The following RAB11FIP4 variants were observed in gnomAD, a reference collection of about 807,000 sequenced individuals.
RAB11FIP4 encodes the protein RAB11 family interacting protein 4, also known as rab11 family-interacting protein 4.
In RAB11FIP4, 23 loss-of-function variants were observed where a neutral mutation model predicts 74.3. That is an observed-to-expected ratio of 0.31 (90% CI 0.22 to 0.44). The LOEUF (loss-of-function observed/expected upper bound fraction) is 0.44, where lower values mean the gene tolerates loss of function less well. Among genes scored for constraint, RAB11FIP4 ranks in the 20% least tolerant of loss-of-function variants. The pLI is 1.00. For synonymous variants in RAB11FIP4, 360 were observed against 359.9 expected (o/e 1.00, Z 0.00); for missense variants, 630 against 863.9 (o/e 0.73, Z 3.39).
At chr17:31,492,335 G>A (rs2072025401) in intron 3 of RAB11FIP4, among the ~76,000 whole-genome samples, 1 of 152,198 alleles carries the variant, frequency 6.6e-6, no homozygotes, top group Non-Finnish European at 1.5e-5. Flanking sequence ...TCATATATAT[G>A]TGTGTACACA....
chr17:31,482,735 T>G (rs568804155), intron 3 of RAB11FIP4, among the ~76,000 whole-genome samples: 1 of 152,268 alleles, frequency 6.6e-6, no homozygotes, highest in South Asian at 2.1e-4. Flanking sequence ...AATACTGAAT[T>G]TACCACCTGG....
rs1017965941 is a variant in RAB11FIP4 at position 31,532,790 on chromosome 17, A to C, written c.*1058A>C. ...GACTGCTTCGTTCCAGCGTTTAGAA[A>C]CACACCTGTATTTGATTCTCAGCCA... On this transcript the variant is annotated 3_prime_UTR_variant, in exon 15 of 15. Coordinates refer to ENST00000621161, the MANE Select transcript of RAB11FIP4 (RefSeq NM_032932.6). 2 of 152,186 alleles carry C rather than the reference A, an allele frequency of 1.3e-5. No individual in the cohort carries two copies. Among genetic ancestry groups the C allele is most frequent in the African/African-American group, 4.8e-5 (2 of 41,454 alleles). 9.4% of individuals were successfully genotyped at this position (152,186 alleles called of 1,614,324 possible). A position where few individuals can be genotyped will look rare whatever the true frequency, so the allele number is the denominator to read the frequency against.
chr17:31,406,071 A>T (rs1309120528), intron 1 of RAB11FIP4, among the ~76,000 whole-genome samples: 1 of 152,154 alleles, frequency 6.6e-6, no homozygotes, highest in Non-Finnish European at 1.5e-5. Context: ...CAGCTGGTCA[A>T]CCCCTGGGCT....
intron 3 of RAB11FIP4, among the ~76,000 whole-genome samples, chr17:31,443,193 T>C (rs1025217925): frequency 6.6e-6 from 1 of 152,176 alleles, no homozygotes; most frequent in African/African-American, 2.4e-5. Flanking sequence ...TAAGAGGGCG[T>C]TCTTCATGAA....
chr17:31,447,846 G>T (rs185263181), intron 3 of RAB11FIP4, among the ~76,000 whole-genome samples: 2 of 151,924 alleles, frequency 1.3e-5, no homozygotes, highest in African/African-American at 4.8e-5. Flanking sequence ...TTTGAGACAG[G>T]ATCTCACTCT....
At chr17:31,518,212 G>C (rs538263644) in intron 4 of RAB11FIP4, among the ~76,000 whole-genome samples, 2 of 152,040 alleles carry the variant, frequency 1.3e-5, no homozygotes, top group Non-Finnish European at 2.9e-5. Flanking sequence ...GCAGGTTGTG[G>C]CCAGGCATGG....
chr17:31,505,909 ATT>A (rs902661761), intron 3 of RAB11FIP4, among the ~76,000 whole-genome samples: 21 of 138,886 alleles, frequency 1.5e-4, no homozygotes, highest in Middle Eastern at 7.6e-3. Context: ...ATGGAGTCTC[ATT>A]ATGTTTCCCA....
intron 1 of RAB11FIP4, among the ~76,000 whole-genome samples, chr17:31,400,517 A>C (rs2070974784): frequency 6.6e-6 from 1 of 152,122 alleles, no homozygotes; most frequent in East Asian, 1.9e-4. Context: ...AATGGGGACC[A>C]CCCTGGCTGC....
intron 3 of RAB11FIP4, among the ~76,000 whole-genome samples, chr17:31,494,346 G>C (rs1038738904): frequency 6.6e-6 from 1 of 152,002 alleles, no homozygotes; most frequent in Admixed American, 6.5e-5. Context: ...GATGAGGCTA[G>C]TACCTCCCTC....
At chr17:31,424,005 G>T (rs1400577266) in intron 1 of RAB11FIP4, among the ~76,000 whole-genome samples, 1 of 152,040 alleles carries the variant, frequency 6.6e-6, no homozygotes, top group African/African-American at 2.4e-5. Flanking sequence ...AAGACCCAGG[G>T]CACTTCTCCC....
chr17:31,469,260 C>T (rs1197596764), intron 3 of RAB11FIP4, among the ~76,000 whole-genome samples: 4 of 152,084 alleles, frequency 2.6e-5, no homozygotes, highest in Non-Finnish European at 4.4e-5. Flanking sequence ...TTAAAGCTTT[C>T]GGTCTGGGAG....
chr17:31,476,335 C>T (rs1319668781), intron 3 of RAB11FIP4, among the ~76,000 whole-genome samples: 1 of 151,890 alleles, frequency 6.6e-6, no homozygotes, highest in Non-Finnish European at 1.5e-5. Flanking sequence ...CAGGCACGTG[C>T]CATCACGCCC....
At chr17:31,406,283 G>A (rs1328517029) in intron 1 of RAB11FIP4, among the ~76,000 whole-genome samples, 1 of 152,232 alleles carries the variant, frequency 6.6e-6, no homozygotes, top group African/African-American at 2.4e-5. Flanking sequence ...CAGCGCAGGC[G>A]CTCAGCTGCC....
At chr17:31,493,409 C>T (rs1013969777) in intron 3 of RAB11FIP4, among the ~76,000 whole-genome samples, 2 of 151,808 alleles carry the variant, frequency 1.3e-5, no homozygotes, top group African/African-American at 2.4e-5. Context: ...CACCCCCCTG[C>T]GCTGTGCAAG....
chr17:31,505,820 C>T (rs1400129332), intron 3 of RAB11FIP4, among the ~76,000 whole-genome samples: 1 of 145,588 alleles, frequency 6.9e-6, no homozygotes, highest in African/African-American at 2.6e-5. Flanking sequence ...ATCCTTTGGC[C>T]TCAGCCTCCC....
intron 10 of RAB11FIP4, chr17:31,527,430 GTC>G (rs1429095877): frequency 6.3e-6 from 1 of 159,046 alleles, no homozygotes; most frequent in Non-Finnish European, 1.4e-5. Flanking sequence ...GGCAAAACCC[GTC>G]TCTACTAAAA....
At chr17:31,433,498 G>C (rs1470124443) in intron 2 of RAB11FIP4, among the ~76,000 whole-genome samples, 1 of 152,240 alleles carries the variant, frequency 6.6e-6, no homozygotes, top group South Asian at 2.1e-4. Flanking sequence ...CAGGCATTTT[G>C]TCAGGTCCCC....
intron 3 of RAB11FIP4, among the ~76,000 whole-genome samples, chr17:31,445,549 T>TAC: frequency 1.9e-4 from 2 of 10,616 alleles, no homozygotes; most frequent in African/African-American, 5.8e-4. Flanking sequence ...TATATATATA[T>TAC]ATATATATAT....
chr17:31,483,192 CAAAAAAAAAAAAAAA>C (rs56720417), intron 3 of RAB11FIP4, among the ~76,000 whole-genome samples: 1 of 58,570 alleles, frequency 1.7e-5, no homozygotes, highest in East Asian at 4.9e-4. Context: ...GACTGCATCT[CAAAAAAAAAAAAAAA>C]AAAAAAAAAA....
Sources: allele counts gnomAD v4.1 joint callset (sites outside exome capture counted in the v4.1 genomes callset), GRCh38; gene constraint gnomAD v4.1.1; transcripts MANE v1.5; gene names NCBI Gene and HGNC (gene_info 2026-07-23, HGNC 2026-07-21).